The following AKT3 variants were observed in gnomAD, a reference collection of about 807,000 sequenced individuals.
AKT3 encodes the protein AKT serine/threonine kinase 3, also known as RAC-gamma serine/threonine-protein kinase.
A neutral mutation model predicts 65.3 loss-of-function variants in AKT3; 15 were observed. The observed-to-expected ratio is 0.23, with a 90% CI of 0.15 to 0.35. The LOEUF is 0.35. AKT3 is among the 10% of genes least tolerant of loss of function. AKT3 has a pLI of 1.00. For missense variants in AKT3, 243 were observed against 576.5 expected (o/e 0.42, Z 5.92); for synonymous variants, 206 against 183.8 (o/e 1.12, Z -0.98).
At chr1:243,521,857 T>G (rs1670736881) in intron 12 of AKT3, among the ~76,000 whole-genome samples, 1 of 152,234 alleles carries the variant, frequency 6.6e-6, no homozygotes, top group Non-Finnish European at 1.5e-5. Flanking sequence ...CCCCAGAAAC[T>G]GGAACTTGTA....
chr1:243,535,155 T>TATTTTAAAATATATTTTAA (rs1671813672), intron 12 of AKT3, among the ~76,000 whole-genome samples: 2 of 131,400 alleles, frequency 1.5e-5, no homozygotes, highest in African/African-American at 6.8e-5. Context: ...TTTTAAAATA[T>TATTTTAAAATATATTTTAA]ATTTTAAAAT....
chr1:243,839,338 G>C (rs1202680998), intron 2 of AKT3, among the ~76,000 whole-genome samples: 1 of 152,150 alleles, frequency 6.6e-6, no homozygotes, highest in Non-Finnish European at 1.5e-5. Flanking sequence ...GCTCGTCTTT[G>C]AGTAAGATCA....
chr1:243,729,819 TTATG>T (rs1293699442), intron 2 of AKT3, among the ~76,000 whole-genome samples: 1 of 152,216 alleles, frequency 6.6e-6, no homozygotes, highest in African/African-American at 2.4e-5. Context: ...GTGTTCTTCT[TTATG>T]TATATTTTTC....
chr1:243,558,117 T>A (rs1249555528), intron 10 of AKT3, among the ~76,000 whole-genome samples: 1 of 152,084 alleles, frequency 6.6e-6, no homozygotes, highest in South Asian at 2.1e-4. Flanking sequence ...CAAAATGACA[T>A]ATTTTACATT....
chr1:243,712,354 C>T (rs752899607), intron 2 of AKT3, among the ~76,000 whole-genome samples: 1 of 152,074 alleles, frequency 6.6e-6, no homozygotes, highest in Non-Finnish European at 1.5e-5. Flanking sequence ...TTATGAAAAG[C>T]AGAAAATAAC....
At chr1:243,783,171 G>GATCA (rs72170392) in intron 2 of AKT3, among the ~76,000 whole-genome samples, 2 of 45,208 alleles carry the variant, frequency 4.4e-5, no homozygotes, top group Non-Finnish European at 2.8e-4. Flanking sequence ...GGGGTCCCTA[G>GATCA]ATCGGTTCAG....
intron 3 of AKT3, among the ~76,000 whole-genome samples, chr1:243,670,955 ATC>A (rs1327560624): frequency 6.6e-6 from 1 of 152,204 alleles, no homozygotes; most frequent in African/African-American, 2.4e-5. Context: ...TTTAGAGATC[ATC>A]TGTTTAGATT....
chr1:243,796,129 A>G (rs1038915764), intron 2 of AKT3, among the ~76,000 whole-genome samples: 3 of 152,224 alleles, frequency 2.0e-5, no homozygotes, highest in African/African-American at 7.2e-5. Flanking sequence ...CTGCAAAGTC[A>G]GTCACTACCT....
intron 8 of AKT3, among the ~76,000 whole-genome samples, chr1:243,603,894 C>CA (rs1677198329): frequency 7.7e-6 from 1 of 129,972 alleles, no homozygotes; most frequent in Admixed American, 8.0e-5. Context: ...AATTAATAAT[C>CA]TTTTTTTTTT....
At chr1:243,709,986 T>C (rs1259186411) in intron 2 of AKT3, among the ~76,000 whole-genome samples, 2 of 152,144 alleles carry the variant, frequency 1.3e-5, no homozygotes, top group Non-Finnish European at 2.9e-5. Flanking sequence ...TTAATCAGAT[T>C]TTTTTGAACT....
intron 8 of AKT3, among the ~76,000 whole-genome samples, chr1:243,603,312 C>T (rs758680481): frequency 5.3e-5 from 8 of 152,194 alleles, no homozygotes; most frequent in Non-Finnish European, 1.2e-4. Context: ...CCCTGGTAGT[C>T]TCCATAGGAA....
chr1:243,712,645 T>C (rs777950186), intron 2 of AKT3, among the ~76,000 whole-genome samples: 6 of 152,180 alleles, frequency 3.9e-5, no homozygotes, highest in Non-Finnish European at 8.8e-5. Flanking sequence ...ATTCCATTCA[T>C]ATTGATTGGT....
At chr1:243,660,377 T>C (rs902894267) in intron 4 of AKT3, among the ~76,000 whole-genome samples, 1 of 152,172 alleles carries the variant, frequency 6.6e-6, no homozygotes, top group African/African-American at 2.4e-5. Flanking sequence ...CAAGTGGGCT[T>C]CATCCCTGGG....
chr1:243,837,617 T>C (rs1176053652), intron 2 of AKT3, among the ~76,000 whole-genome samples: 2 of 152,112 alleles, frequency 1.3e-5, no homozygotes, highest in African/African-American at 4.8e-5. Context: ...TAATTCACCA[T>C]ATTAAGAGAA....
At chr1:243,812,146 G>A (rs1382922723) in intron 2 of AKT3, among the ~76,000 whole-genome samples, 7 of 152,080 alleles carry the variant, frequency 4.6e-5, no homozygotes, top group Non-Finnish European at 2.9e-5. Context: ...CAAAAGCAAT[G>A]GCAACAAAAG....
intron 13 of AKT3, among the ~76,000 whole-genome samples, chr1:243,508,583 C>T (rs751881177): frequency 4.0e-5 from 6 of 151,416 alleles, no homozygotes; most frequent in Admixed American, 1.3e-4. Context: ...GCTGGGCTCT[C>T]GTTTCCGTAC....
chr1:243,814,993 C>T (rs1482602454), intron 2 of AKT3, among the ~76,000 whole-genome samples: 1 of 152,170 alleles, frequency 6.6e-6, no homozygotes, highest in African/African-American at 2.4e-5. Context: ...AACTTCAAAA[C>T]ACCTGGATAT....
intron 10 of AKT3, among the ~76,000 whole-genome samples, chr1:243,561,012 T>C (rs187436241): frequency 6.6e-6 from 1 of 152,194 alleles, no homozygotes; most frequent in African/African-American, 2.4e-5. Context: ...ATATTTTATT[T>C]GAATAAACAA....
intron 6 of AKT3, among the ~76,000 whole-genome samples, chr1:243,630,972 CTCT>C (rs1337400981): frequency 9.7e-6 from 1 of 102,600 alleles, no homozygotes; most frequent in Non-Finnish European, 2.6e-5. Context: ...ACCAAATAGC[CTCT>C]TTTTTTTTTT....
Sources: gnomAD v4.1 joint callset for allele counts (sites outside exome capture counted in the v4.1 genomes callset) on GRCh38, gnomAD v4.1.1 for gene constraint, MANE v1.5 for transcripts, NCBI Gene and HGNC (gene_info 2026-07-23, HGNC 2026-07-21) for gene names.